Variants in CREM observed in about 807,000 individuals in gnomAD.
CREM encodes cAMP-responsive element modulator.
Under a neutral mutation model 37.3 loss-of-function variants are expected in CREM, and 13 were observed. That is an observed-to-expected ratio of 0.35 (90% CI 0.23 to 0.55). The LOEUF (loss-of-function observed/expected upper bound fraction) is 0.55. Ranked by LOEUF, CREM falls within the 20% of genes least tolerant of loss-of-function variation. CREM has a pLI of 0.88. For missense variants in CREM, 296 were observed against 362.3 expected, an observed-to-expected ratio of 0.82 and a Z score of 1.49; for synonymous variants, 124 against 120.2, an observed-to-expected ratio of 1.03 and a Z score of -0.21.
rs1161675475 is a variant in CREM at position 35,201,504 on chromosome 10, A to T, written c.599-5391A>T. The T allele has an allele frequency of 1.0e-5, 16 of 1,551,560 alleles. No individual in the cohort carries two copies. In the East Asian group the frequency reaches 3.9e-4, roughly 38 times the overall value. On this transcript the variant is annotated intron_variant, in intron 6 of 7. Transcript: ENST00000685392. ...CATGGCTGGTAAGTGGCAGAGCTGG[A>T]CTAGAACCCAGACTCCAAACCCCAT...
At chr10:35,136,905 C>T (rs1477061434) in intron 1 of CREM, among the ~76,000 whole-genome samples, 1 of 150,582 alleles carries the variant, frequency 6.6e-6, no homozygotes, top group East Asian at 2.0e-4. Flanking sequence ...ATTGCAGCCT[C>T]AACTTTCCGC....
intron 3 of CREM, among the ~76,000 whole-genome samples, chr10:35,155,183 A>C (rs1280510756): frequency 6.6e-6 from 1 of 152,150 alleles, no homozygotes; most frequent in African/African-American, 2.4e-5. Flanking sequence ...ATTTTTTTGT[A>C]ATTTGTAATG....
chr10:35,154,365 A>T (rs2092771029), intron 3 of CREM: 2 of 303,686 alleles, frequency 6.6e-6, no homozygotes, highest in South Asian at 1.6e-4. Flanking sequence ...TAGCAACCTC[A>T]TATTTGTATA....
At chr10:35,197,428 ATTTATTT>A (rs1385212606) in intron 6 of CREM, among the ~76,000 whole-genome samples, 1 of 128,572 alleles carries the variant, frequency 7.8e-6, no homozygotes, top group East Asian at 2.0e-4. Flanking sequence ...TTATTTATTT[ATTTATTT>A]ATTTATTTAT....
At chr10:35,157,775 C>T (rs576582583) in intron 3 of CREM, among the ~76,000 whole-genome samples, 2 of 152,124 alleles carry the variant, frequency 1.3e-5, no homozygotes, top group East Asian at 3.9e-4. Flanking sequence ...CAACTTTTCC[C>T]TGTTCATAGA....
chr10:35,191,821 C>T (rs150357513), intron 6 of CREM, among the ~76,000 whole-genome samples: 13 of 152,270 alleles, frequency 8.5e-5, no homozygotes, highest in South Asian at 2.1e-4. Context: ...CTCCCTCCCA[C>T]GCTGGCTTCA....
chr10:35,141,914 G>A (rs1363525470), intron 2 of CREM, among the ~76,000 whole-genome samples: 1 of 152,074 alleles, frequency 6.6e-6, no homozygotes, highest in Non-Finnish European at 1.5e-5. Context: ...AGAACGCTGA[G>A]ACAGTGTTCA....
At chr10:35,187,033 TAA>T (rs1167607098) in intron 5 of CREM, among the ~76,000 whole-genome samples, 1 of 78,404 alleles carries the variant, frequency 1.3e-5, no homozygotes, top group Non-Finnish European at 2.2e-5. Context: ...ATATCACATA[TAA>T]TATATATTAT....
At chr10:35,137,949 G>T in intron 2 of CREM, 70 bp downstream of exon 2, 1 of 1,196,708 alleles carries the variant, frequency 8.4e-7, no homozygotes, top group Admixed American at 2.2e-5. Context: ...TGAATAAATT[G>T]ATATATAGAT....
chr10:35,176,712 G>A (rs551740194), intron 3 of CREM, among the ~76,000 whole-genome samples: 10 of 152,220 alleles, frequency 6.6e-5, no homozygotes, highest in African/African-American at 2.4e-4. Context: ...CCCAGCCAGT[G>A]CTGATGCTGT....
chr10:35,180,346 A>C lies in CREM; in HGVS notation c.409+1070A>C, dbSNP rs1048546333. 4.6e-5 allele frequency among the ~76,000 whole-genome samples: 7 copies of C among 152,300 alleles called. 1 individual carries two copies. The South Asian group carries it at 6.2e-4, about 14-fold the overall frequency. ...AAAGTAGCAATACCAAGAAAAAAAA[A>C]CTCAAGTCTTAATTTAAGTCCTGAC... On this transcript the variant is annotated intron_variant, in intron 5 of 7. Transcript: ENST00000685392.
At chr10:35,147,702 C>A (rs1395182691) in intron 2 of CREM, among the ~76,000 whole-genome samples, 2 of 152,124 alleles carry the variant, frequency 1.3e-5, no homozygotes, top group Non-Finnish European at 1.5e-5. Context: ...TTATACTTTT[C>A]ATGTAAAATA....
rs114846655 is a variant in CREM at position 35,160,660 on chromosome 10, C to T, written c.168+12169C>T. Among the ~76,000 whole-genome samples the T allele has an allele frequency of 6.5e-3, 990 of 152,312 alleles. 13 individuals carry two copies. Among genetic ancestry groups the T allele is most frequent in the African/African-American group, 0.021 (888 of 41,538 alleles). On this transcript the variant is annotated intron_variant, in intron 3 of 7. Transcript: ENST00000685392. ...ACATCATTTCTTCAATGAACTGTAGCTTACTGTAAGTTTTTTACTTTTTGA... is the reference window on the plus strand; with the variant it reads ...ACATCATTTCTTCAATGAACTGTAGTTTACTGTAAGTTTTTTACTTTTTGA...
intron 5 of CREM, among the ~76,000 whole-genome samples, chr10:35,186,744 A>G (rs1361955746): frequency 7.5e-6 from 1 of 133,532 alleles, no homozygotes; most frequent in Non-Finnish European, 1.5e-5. Flanking sequence ...ATATATAGTT[A>G]TAATTATATA....
intron 3 of CREM, among the ~76,000 whole-genome samples, chr10:35,148,900 C>T (rs1046396587): frequency 6.6e-6 from 1 of 152,190 alleles, no homozygotes; most frequent in South Asian, 2.1e-4. Flanking sequence ...GAATTGGTTT[C>T]ATTCAGAGGT....
At chr10:35,158,454 A>C (rs925196422) in intron 3 of CREM, 1 of 283,580 alleles carries the variant, frequency 3.5e-6, no homozygotes, top group Non-Finnish European at 7.1e-6. Context: ...TGCCGCCTGC[A>C]GAGGGTAAAA....
At chr10:35,144,857 A>T (rs1321553672) in intron 2 of CREM, among the ~76,000 whole-genome samples, 1 of 151,590 alleles carries the variant, frequency 6.6e-6, no homozygotes, top group Non-Finnish European at 1.5e-5. Flanking sequence ...TATAAATATC[A>T]GTTATTGAGT....
intron 5 of CREM, among the ~76,000 whole-genome samples, chr10:35,185,260 G>C (rs2064984149): frequency 6.6e-6 from 1 of 151,942 alleles, no homozygotes; most frequent in Non-Finnish European, 1.5e-5. Flanking sequence ...GCACCACCAC[G>C]CCTGGCTAAT....
intron 1 of CREM, among the ~76,000 whole-genome samples, chr10:35,133,630 A>T (rs1400335397): frequency 6.6e-6 from 1 of 152,242 alleles, no homozygotes; most frequent in Non-Finnish European, 1.5e-5. Flanking sequence ...AGAAAAAGCA[A>T]AACTGTGTTT....
Sources: gnomAD v4.1 joint callset for allele counts (sites outside exome capture counted in the v4.1 genomes callset) on GRCh38, gnomAD v4.1.1 for gene constraint, MANE v1.5 for transcripts, NCBI Gene and HGNC (gene_info 2026-07-23, HGNC 2026-07-21) for gene names.